The following CCDC7 variants were observed in gnomAD, a reference collection of about 807,000 sequenced individuals.
CCDC7 encodes coiled-coil domain containing 7, also known as coiled-coil domain-containing protein 7.
In CCDC7, 183 loss-of-function variants were observed where a neutral mutation model predicts 196.9. The ratio of observed to expected loss-of-function variants is 0.93; its 90% CI spans 0.82 to 1.05. The LOEUF (loss-of-function observed/expected upper bound fraction) is 1.05, where lower values mean the gene tolerates loss of function less well. Among genes scored for constraint, CCDC7 ranks in the 50% least tolerant of loss-of-function variants. The probability of loss-of-function intolerance (pLI) is 0.00; values close to 1 mark genes in which losing one functional copy is unlikely to be tolerated. For synonymous variants in CCDC7, 525 were observed against 484.6 expected (o/e 1.08, Z -1.10); for missense variants, 1,540 against 1,482.2 (o/e 1.04, Z -0.64).
chr10:32,558,137 C>T (rs2054663851), intron 13 of CCDC7, among the ~76,000 whole-genome samples: 1 of 152,042 alleles, frequency 6.6e-6, no homozygotes, highest in Non-Finnish European at 1.5e-5. Flanking sequence ...TCACTTTTTG[C>T]TCATTGTCTT....
intron 28 of CCDC7, among the ~76,000 whole-genome samples, chr10:32,739,118 A>C (rs1236520857): frequency 1.3e-5 from 2 of 151,872 alleles, no homozygotes; most frequent in Non-Finnish European, 2.9e-5. Context: ...AGGTCTAGAC[A>C]TTTTTGCTAT....
chr10:32,545,683 A>G (rs1371541901), intron 13 of CCDC7, among the ~76,000 whole-genome samples: 2 of 152,154 alleles, frequency 1.3e-5, no homozygotes, highest in African/African-American at 4.8e-5. Flanking sequence ...AGGCGGACAG[A>G]TCACTTGAGG....
At chr10:32,647,090 A>G (rs2067897318) in intron 20 of CCDC7, among the ~76,000 whole-genome samples, 1 of 152,188 alleles carries the variant, frequency 6.6e-6, no homozygotes, top group South Asian at 2.1e-4. Context: ...TCTTTTCAGT[A>G]TATACCCAGT....
intron 28 of CCDC7, among the ~76,000 whole-genome samples, chr10:32,753,271 G>C (rs1038894175): frequency 7.2e-5 from 11 of 152,106 alleles, no homozygotes; most frequent in African/African-American, 2.7e-4. Flanking sequence ...TTAAGTTATA[G>C]TCATATTCAT....
chr10:32,552,082 G>A (rs1448268339), intron 13 of CCDC7, among the ~76,000 whole-genome samples: 4 of 152,174 alleles, frequency 2.6e-5, no homozygotes, highest in African/African-American at 9.7e-5. Flanking sequence ...GGGACCTCCA[G>A]TGTTAGGTGC....
intron 11 of CCDC7, among the ~76,000 whole-genome samples, chr10:32,524,069 G>GTTTTTTT (rs2048297336): frequency 1.2e-5 from 1 of 82,228 alleles, no homozygotes; most frequent in Admixed American, 1.2e-4. Context: ...TCTTCCTTCT[G>GTTTTTTT]TCTTTTTTTT....
At position 32,640,864 on chromosome 10, in the gene CCDC7, C is replaced by CTTTTTTTTT. The variant is rs753769301; in HGVS notation, c.2014+5709_2014+5717dup. 2.3e-3 allele frequency among the ~76,000 whole-genome samples: 170 copies of CTTTTTTTTT among 74,446 alleles called. 1 individual carries two copies. The highest frequency in any genetic ancestry group is 7.3e-3 in the East Asian group (17 of 2,340). The allele number at this position is 74,446 out of a possible 152,430, so 48.8% of individuals were successfully genotyped here. A position where few individuals can be genotyped will look rare whatever the true frequency, so the allele number is the denominator to read the frequency against. Reference sequence around the variant, plus strand: ...CAGTCTCTTCTGGCTTGTAGATTTTCTTTTTTTTTTTCTTTTTTTTTTTAT... The same window carrying CTTTTTTTTT: ...CAGTCTCTTCTGGCTTGTAGATTTTCTTTTTTTTTTTTTTTTTTTTCTTTTTTTTTTTAT... On this transcript the variant is annotated intron_variant, in intron 20 of 41. Transcript: ENST00000639629.
At chr10:32,543,427 A>G in intron 12 of CCDC7, 42 bp downstream of exon 13, 1 of 1,247,640 alleles carries the variant, frequency 8.0e-7, no homozygotes, top group Non-Finnish European at 1.1e-6. Context: ...TTCCTTGTTA[A>G]TTTATATTTT....
In CCDC7 at chr10:32,605,967, G is replaced by A. The variant is rs141631857; in HGVS notation, c.1801+21663G>A. ...GCCAAGACAATGGGGAAAAGGCCTCGAAGTCATTTCAGAGATATTCATAGC... is the reference window on the plus strand; with the variant it reads ...GCCAAGACAATGGGGAAAAGGCCTCAAAGTCATTTCAGAGATATTCATAGC... On this transcript the variant is annotated intron_variant, in intron 18 of 41. Transcript: ENST00000639629. Among the ~76,000 whole-genome samples the A allele has an allele frequency of 1.8e-3, 277 of 152,302 alleles. 1 individual carries two copies. The East Asian group carries it at 0.029, about 16-fold the overall frequency.
At position 32,852,867 on chromosome 10, in the gene CCDC7, G is replaced by A. The variant is rs1186586845; in HGVS notation, c.4021+935G>A. 2.0e-5 allele frequency among the ~76,000 whole-genome samples: 3 copies of A among 152,128 alleles called. No homozygotes were observed. In the East Asian group the frequency reaches 5.8e-4, roughly 29 times the overall value. On this transcript the variant is annotated intron_variant, in intron 40 of 41. Transcript: ENST00000639629. ...TGAAATCCATGTTCTTTCCCAGTGAGCTAGAAGAAAAAATGGTTAGAAATT... is the reference window on the plus strand; with the variant it reads ...TGAAATCCATGTTCTTTCCCAGTGAACTAGAAGAAAAAATGGTTAGAAATT...
chr10:32,726,282 T>G (rs925189259), intron 25 of CCDC7, among the ~76,000 whole-genome samples: 2 of 151,914 alleles, frequency 1.3e-5, no homozygotes, highest in African/African-American at 4.8e-5. Context: ...TATAGTGATA[T>G]GTAGAGTATT....
intron 11 of CCDC7, among the ~76,000 whole-genome samples, chr10:32,536,636 G>A (rs1447814456): frequency 6.6e-6 from 1 of 152,054 alleles, no homozygotes; most frequent in Admixed American, 6.6e-5. Flanking sequence ...TACCAGATAG[G>A]TATTTTTTCT....
chr10:32,793,441 A>G (rs2083041200), intron 29 of CCDC7, among the ~76,000 whole-genome samples: 1 of 152,172 alleles, frequency 6.6e-6, no homozygotes, highest in Non-Finnish European at 1.5e-5. Context: ...ACATATTTTA[A>G]TGTATATATT....
intron 29 of CCDC7, among the ~76,000 whole-genome samples, chr10:32,800,952 A>G (rs1477618006): frequency 6.6e-6 from 1 of 152,256 alleles, no homozygotes; most frequent in African/African-American, 2.4e-5. Flanking sequence ...AGAGCTCTAC[A>G]TGAGTCAGAC....
intron 25 of CCDC7, among the ~76,000 whole-genome samples, chr10:32,713,040 A>C (rs1179685043): frequency 6.6e-6 from 1 of 152,220 alleles, no homozygotes; most frequent in Non-Finnish European, 1.5e-5. Flanking sequence ...ATGATCTTCC[A>C]CATATCCCAC....
At chr10:32,535,399 G>T (rs1015619111) in intron 11 of CCDC7, among the ~76,000 whole-genome samples, 1 of 152,042 alleles carries the variant, frequency 6.6e-6, no homozygotes, top group African/African-American at 2.4e-5. Flanking sequence ...GTTACAGTTT[G>T]GTTTTATACA....
intron 28 of CCDC7, among the ~76,000 whole-genome samples, chr10:32,753,552 C>T (rs972841972): frequency 2.6e-5 from 4 of 152,018 alleles, no homozygotes; most frequent in East Asian, 1.9e-4. Flanking sequence ...ATTTCAAACC[C>T]GGATAATCTA....
At chr10:32,665,366 T>C (rs1452769719) in intron 21 of CCDC7, among the ~76,000 whole-genome samples, 1 of 152,038 alleles carries the variant, frequency 6.6e-6, no homozygotes, top group African/African-American at 2.4e-5. Context: ...TTTGGGGTCA[T>C]ATTAAAAAAA....
chr10:32,501,015 C>T (rs1010031406), intron 9 of CCDC7, among the ~76,000 whole-genome samples: 8 of 152,142 alleles, frequency 5.3e-5, no homozygotes, highest in East Asian at 1.9e-4. Context: ...AGCCTCCGCT[C>T]GGCATCAGAG....
Sources: allele counts gnomAD v4.1 joint callset (sites outside exome capture counted in the v4.1 genomes callset), GRCh38; gene constraint gnomAD v4.1.1; transcripts MANE v1.5; gene names NCBI Gene and HGNC (gene_info 2026-07-23, HGNC 2026-07-21).